The following GCGR variants were observed in gnomAD, a reference collection of about 807,000 sequenced individuals.
GCGR encodes the protein glucagon receptor.
Under a neutral mutation model 56.1 loss-of-function variants are expected in GCGR, and 41 were observed. That is an observed-to-expected ratio of 0.73 (90% CI 0.57 to 0.95). GCGR has a LOEUF of 0.95. Among genes scored for constraint, GCGR ranks in the 40% least tolerant of loss-of-function variants. GCGR has a pLI of 0.00. For synonymous variants in GCGR, 278 were observed against 271.1 expected, an observed-to-expected ratio of 1.03 and a Z score of -0.25; for missense variants, 595 against 638.2, an observed-to-expected ratio of 0.93 and a Z score of 0.73.
At chr17:81,809,730 T>TCTGC (rs2038054169) in intron 2 of GCGR, 52 bp from the exon 3 acceptor site, 3 of 1,413,486 alleles carry the variant, frequency 2.1e-6, no homozygotes, top group Admixed American at 2.0e-5. Context: ...TGCCTGTCTG[T>TCTGC]CTGCCTGCCT....
chr17:81,812,316 C>T lies in GCGR; in HGVS notation c.948+64C>T, dbSNP rs2038119579. ...TCCTCCCTTGGCGTCCTGAGGCTGC[C>T]CCAGGAGACAGCAGCATCCTGTCTG... On this transcript the variant is annotated intron_variant, in intron 10 of 13. Coordinates refer to ENST00000400723, the MANE Select transcript of GCGR (RefSeq NM_000160.5). The surrounding 1 kb of genome is among the most constrained non-coding windows in gnomAD (Gnocchi z 8.5). 6.6e-7 allele frequency: 1 copy of T among 1,507,742 alleles called. No homozygotes were observed. Among genetic ancestry groups the T allele is most frequent in the Non-Finnish European group, 8.9e-7 (1 of 1,122,920 alleles). The allele number at this position is 1,507,742 out of a possible 1,614,324, so 93.4% of individuals were successfully genotyped here.
intron 1 of GCGR, among the ~76,000 whole-genome samples, chr17:81,808,413 C>G (rs2038005038): frequency 6.6e-6 from 1 of 152,084 alleles, no homozygotes; most frequent in Non-Finnish European, 1.5e-5. Context: ...GTGGCTGCCA[C>G]CAGCAATGAG....
chr17:81,809,463 CTG>C (rs2038039954), intron 2 of GCGR, among the ~76,000 whole-genome samples: 1 of 149,532 alleles, frequency 6.7e-6, no homozygotes, highest in African/African-American at 2.5e-5. Context: ...GCCTGTCTGT[CTG>C]CCTGCCTGTC....
intron 2 of GCGR, among the ~76,000 whole-genome samples, chr17:81,809,458 T>TCTGTCTGCCTGC (rs1310786563): frequency 5.3e-4 from 70 of 131,440 alleles, no homozygotes; most frequent in Non-Finnish European, 7.9e-4. Flanking sequence ...TGCCTGCCTG[T>TCTGTCTGCCTGC]CTGTCTGCCT....
Position 81,813,288 on chromosome 17 carries a change from C to A in GCGR, c.1219-186C>A, listed in dbSNP as rs2038141756. ...CTACGGTGTCCACCGTGGGGGTCCC[C>A]AGGTGTCTGCAGACTGCTTTCCGTG... On this transcript the variant is annotated intron_variant, in intron 13 of 13. Coordinates refer to ENST00000400723, the MANE Select transcript of GCGR (RefSeq NM_000160.5). This position sits in a 1 kb window ranked among gnomAD's most constrained non-coding sequence, Gnocchi z 5.3. Among the ~76,000 whole-genome samples, 1 of 152,174 alleles carries A rather than the reference C, an allele frequency of 6.6e-6. No individual in the cohort carries two copies. The highest frequency in any genetic ancestry group is 1.5e-5 in the Non-Finnish European group (1 of 68,016).
intron 1 of GCGR, among the ~76,000 whole-genome samples, chr17:81,805,803 C>G (rs1052559769): frequency 3.3e-5 from 5 of 152,112 alleles, no homozygotes; most frequent in African/African-American, 1.2e-4. Flanking sequence ...CCTGGTGGGT[C>G]GTCCCACCTA....
rs1234639762 is a variant in GCGR, at chr17:81,809,450, CCTGCCTGTCTGT to C, written c.61-324_61-313del. ...GTCCGTCTGCCTGTCCGTCTGCCTG[CCTGCCTGTCTGT>C]CTGCCTGCCTGTCTGCCTGCCTGTC... On this transcript the variant is annotated intron_variant, in intron 2 of 13. Transcript: ENST00000400723. Among the ~76,000 whole-genome samples, 11 of 117,866 alleles carry C rather than the reference CCTGCCTGTCTGT, an allele frequency of 9.3e-5. No individual in the cohort carries two copies. In the East Asian group the frequency reaches 2.2e-3, roughly 24 times the overall value. 77.3% of individuals were successfully genotyped at this position (117,866 alleles called of 152,430 possible).
At position 81,806,070 on chromosome 17, in the gene GCGR, G is replaced by A. The variant is rs539083164; in HGVS notation, c.-178+1821G>A. ...GGGTCCCCACTTGGGAAGTTAAATC[G>A]TCGTCCCCGTCCCAGGACCACAGCA... On this transcript the variant is annotated intron_variant, in intron 1 of 13. Coordinates refer to ENST00000400723, the MANE Select transcript of GCGR (RefSeq NM_000160.5). This position sits in a 1 kb window ranked among gnomAD's most constrained non-coding sequence, Gnocchi z 6.5. Among the ~76,000 whole-genome samples the A allele has an allele frequency of 1.9e-3, 284 of 152,102 alleles. 3 individuals are homozygous for A. Among genetic ancestry groups the A allele is most frequent in the African/African-American group, 6.5e-3 (269 of 41,474 alleles).
intron 2 of GCGR, among the ~76,000 whole-genome samples, chr17:81,809,530 CCTGT>C (rs2038044095): frequency 8.5e-6 from 1 of 118,306 alleles, no homozygotes; most frequent in African/African-American, 3.2e-5. Flanking sequence ...TGCCTGTCTG[CCTGT>C]CTGCCCGTCT....
Position 81,813,739 on chromosome 17 carries a change from C to T in GCGR, c.*50C>T, listed in dbSNP as rs774421451. 100 of 1,507,152 alleles carry T rather than the reference C, an allele frequency of 6.6e-5. 2 individuals carry two copies. In the African/African-American group the frequency reaches 1.1e-3, roughly 16 times the overall value. 93.4% of individuals were successfully genotyped at this position (1,507,152 alleles called of 1,614,324 possible). A position where few individuals can be genotyped will look rare whatever the true frequency, so the allele number is the denominator to read the frequency against. ...CTGGACTCTGGCACCCAGAGGGCGTCGCTGGACAACCCAGAACTGGACGCC... is the reference window on the plus strand; with the variant it reads ...CTGGACTCTGGCACCCAGAGGGCGTTGCTGGACAACCCAGAACTGGACGCC... On this transcript the variant is annotated 3_prime_UTR_variant, in exon 14 of 14. Coordinates refer to ENST00000400723, the MANE Select transcript of GCGR (RefSeq NM_000160.5). The surrounding 1 kb of genome is among the most constrained non-coding windows in gnomAD (Gnocchi z 5.3).
At position 81,813,675 on chromosome 17, in the gene GCGR, G is replaced by T. The variant is rs1229366876; in HGVS notation, c.1420G>T (p.Glu474Ter). 1 of 1,535,300 alleles carries T rather than the reference G, an allele frequency of 6.5e-7. No homozygotes were observed. Among genetic ancestry groups the T allele is most frequent in the African/African-American group, 1.4e-5 (1 of 72,994 alleles). The stretch of plus-strand genomic sequence containing the variant: ...GGCTGGTGGCCTCCCTAGATTGGCT[G>T]AGAGCCCCTTCTGAACCCTGCTGGG... ...PLAGGLPRLAESPF is the reference protein window; with the variant it reads ...PLAGGLPRLA Residue 474 changes from glutamate (E) to a stop codon, truncating the protein, a stop_gained, in exon 14 of 14, where the codon GAG (glutamate) becomes TAG (stop). Transcript: ENST00000400723. LOFTEE classifies it high-confidence loss of function. This position sits in a 1 kb window ranked among gnomAD's most constrained non-coding sequence, Gnocchi z 5.3.
rs1568252085 is a variant in GCGR at position 81,810,999 on chromosome 17, C to A, written c.272-11C>A. The A allele has an allele frequency of 3.3e-6, 5 of 1,535,854 alleles. No individual in the cohort carries two copies. In the East Asian group the frequency reaches 7.3e-5, roughly 23 times the overall value. On this transcript the variant is annotated splice_polypyrimidine_tract_variant and intron_variant, in intron 4 of 13. Transcript: ENST00000400723. This position sits in a 1 kb window ranked among gnomAD's most constrained non-coding sequence, Gnocchi z 4.6. ...GGTGGGGCTGACCCCAGCCTCCCCCCACACCCCCAGTGCAACACCGCTTCG... is the reference window on the plus strand; with the variant it reads ...GGTGGGGCTGACCCCAGCCTCCCCCAACACCCCCAGTGCAACACCGCTTCG...
In GCGR at chr17:81,812,293, C is replaced by G. The variant is rs1263387576; in HGVS notation, c.948+41C>G. On this transcript the variant is annotated intron_variant, in intron 10 of 13. Transcript: ENST00000400723. This position sits in a 1 kb window ranked among gnomAD's most constrained non-coding sequence, Gnocchi z 8.5. ...GCCAGGAGCGCACCCCAGGCCCCTC[C>G]TCCCTTGGCGTCCTGAGGCTGCCCC... The G allele has an allele frequency of 2.6e-6, 4 of 1,531,592 alleles. No individual in the cohort carries two copies. In the Admixed American group the frequency reaches 7.9e-5, roughly 30 times the overall value. The allele number at this position is 1,531,592 out of a possible 1,614,324, so 94.9% of individuals were successfully genotyped here. A position where few individuals can be genotyped will look rare whatever the true frequency, so the allele number is the denominator to read the frequency against.
Position 81,811,783 on chromosome 17 carries a change from T to C in GCGR, c.790T>C (p.Phe264Leu). The C allele has an allele frequency of 6.5e-7, 1 of 1,537,578 alleles. No homozygotes were observed. Among genetic ancestry groups the C allele is most frequent in the Middle Eastern group, 1.7e-4 (1 of 5,992 alleles). Reference protein sequence around the residue: ...GLATLPERSFFSLYLGIGWGA... With the variant: ...GLATLPERSFLSLYLGIGWGA... ...GGCCACCCTCCCCGAGAGGAGCTTC[T>C]TCAGCCTCTACCTGGGCATCGGCTG... The change falls in exon 8 of 14, where the codon TTC becomes CTC. Residue 264 changes from phenylalanine (F) to leucine (L), a missense_variant. Phe to Leu is a conservative substitution (Grantham distance 22). Coordinates refer to ENST00000400723, the MANE Select transcript of GCGR (RefSeq NM_000160.5). This position sits in a 1 kb window ranked among gnomAD's most constrained non-coding sequence, Gnocchi z 5.8.
In GCGR at chr17:81,813,812, C is replaced by G. The variant is rs1002606263; in HGVS notation, c.*123C>G. The G allele has an allele frequency of 1.8e-5, 16 of 878,640 alleles. No homozygotes were observed. In the African/African-American group the frequency reaches 2.5e-4, roughly 14 times the overall value. 54.4% of individuals were successfully genotyped at this position (878,640 alleles called of 1,614,324 possible). On this transcript the variant is annotated 3_prime_UTR_variant, in exon 14 of 14. Coordinates refer to ENST00000400723, the MANE Select transcript of GCGR (RefSeq NM_000160.5). This position sits in a 1 kb window ranked among gnomAD's most constrained non-coding sequence, Gnocchi z 5.3. Reference sequence around the variant, plus strand: ...AGCCAACAGCAGCCCCCACCTACCCCCCACCCCCAGTGTGGCTGTCTGCGA... The same window carrying G: ...AGCCAACAGCAGCCCCCACCTACCCGCCACCCCCAGTGTGGCTGTCTGCGA...
Position 81,806,501 on chromosome 17 carries a change from C to T in GCGR, c.-178+2252C>T, listed in dbSNP as rs1598232113. 6.6e-6 allele frequency among the ~76,000 whole-genome samples: 1 copy of T among 152,174 alleles called. No homozygotes were observed. Among genetic ancestry groups the T allele is most frequent in the African/African-American group, 2.4e-5 (1 of 41,430 alleles). ...GGTCCTGACTGTTTCAAAGAAAGGC[C>T]TGGGGGACTGGGCAGCCAACCCCTC... On this transcript the variant is annotated intron_variant, in intron 1 of 13. Coordinates refer to ENST00000400723, the MANE Select transcript of GCGR (RefSeq NM_000160.5). This position sits in a 1 kb window ranked among gnomAD's most constrained non-coding sequence, Gnocchi z 6.5.
In GCGR at chr17:81,811,266, A is replaced by G; in HGVS notation, c.438A>G (p.Thr146=). ...ACAGCAGCTTCCAGGTGATGTACAC[A>G]GTGGGCTACAGCCTGTCCCTGGGGG... ...KMYSSFQVMY[T]VGYSLSLGAL... Residue 146 remains threonine (T), a synonymous_variant, in exon 6 of 14, where the codon ACA becomes ACG. Coordinates refer to ENST00000400723, the MANE Select transcript of GCGR (RefSeq NM_000160.5). This position sits in a 1 kb window ranked among gnomAD's most constrained non-coding sequence, Gnocchi z 5.8. The G allele has an allele frequency of 6.5e-7, 1 of 1,536,206 alleles. No individual in the cohort carries two copies. Among genetic ancestry groups the G allele is most frequent in the Non-Finnish European group, 8.7e-7 (1 of 1,146,782 alleles).
rs576147925 is a variant in GCGR, at chr17:81,810,727, G to C, written c.164-98G>C. The C allele has an allele frequency of 1.4e-5, 16 of 1,184,020 alleles. No individual in the cohort carries two copies. Among genetic ancestry groups the C allele is most frequent in the Admixed American group, 4.0e-5 (2 of 50,092 alleles). 73.3% of individuals were successfully genotyped at this position (1,184,020 alleles called of 1,614,324 possible). ...CCATGTCCTGGGCGAGGTGACGGCC[G>C]AGCTCAGGCTTCCAGAGAGAGGAGA... On this transcript the variant is annotated intron_variant, in intron 3 of 13. Transcript: ENST00000400723. The surrounding 1 kb of genome is among the most constrained non-coding windows in gnomAD (Gnocchi z 4.6).
intron 1 of GCGR, 109 bp from the exon 2 acceptor site, chr17:81,808,733 A>G (rs2038011968): frequency 3.9e-6 from 2 of 511,780 alleles, no homozygotes; most frequent in Non-Finnish European, 7.0e-6. Flanking sequence ...GTTAGCCAGG[A>G]TGGTCTCGAT....
Sources: gnomAD v4.1 joint callset for allele counts (sites outside exome capture counted in the v4.1 genomes callset) on GRCh38, gnomAD v4.1.1 for gene constraint, Gnocchi (gnomAD v3.1) non-coding constraint, MANE v1.5 for transcripts, NCBI Gene and HGNC (gene_info 2026-07-23, HGNC 2026-07-21) for gene names.